Variants in ADGRB3 observed in about 807,000 individuals in gnomAD.
ADGRB3 encodes brain-specific angiogenesis inhibitor 3.
ADGRB3 carries 37 observed loss-of-function variants against 193.4 expected under a neutral mutation model. That is an observed-to-expected ratio of 0.19 (90% CI 0.15 to 0.25). The LOEUF (loss-of-function observed/expected upper bound fraction) is 0.25. Ranked by LOEUF, ADGRB3 falls within the 10% of genes least tolerant of loss-of-function variation. The probability of loss-of-function intolerance (pLI) is 1.00; values close to 1 mark genes in which losing one functional copy is unlikely to be tolerated. For missense variants in ADGRB3, 1,637 were observed against 1,852.9 expected, an observed-to-expected ratio of 0.88 and a Z score of 2.14; for synonymous variants, 690 against 644.2, an observed-to-expected ratio of 1.07 and a Z score of -1.08.
intron 10 of ADGRB3, among the ~76,000 whole-genome samples, chr6:68,989,946 A>AT (rs770847171): frequency 4.9e-4 from 74 of 151,508 alleles, no homozygotes; most frequent in Non-Finnish European, 7.1e-4. Context: ...ATATCAGGCA[A>AT]TTTTTTTTTG....
chr6:69,379,588 G>T (rs536391196), intron 30 of ADGRB3, among the ~76,000 whole-genome samples: 1 of 152,094 alleles, frequency 6.6e-6, no homozygotes, highest in African/African-American at 2.4e-5. Flanking sequence ...TCACTGTGAA[G>T]CTGGCATTCT....
At chr6:69,128,347 C>A (rs1347657795) in intron 17 of ADGRB3, among the ~76,000 whole-genome samples, 1 of 152,158 alleles carries the variant, frequency 6.6e-6, no homozygotes, top group Non-Finnish European at 1.5e-5. Context: ...AGTTTAGAGT[C>A]ATTTCTTAAA....
intron 3 of ADGRB3, among the ~76,000 whole-genome samples, chr6:68,743,034 G>A (rs1388837963): frequency 2.0e-5 from 3 of 151,874 alleles, no homozygotes; most frequent in South Asian, 2.1e-4. Flanking sequence ...ATGCGTATAC[G>A]TTTTCTGATA....
At chr6:68,995,177 A>G (rs544899197) in intron 11 of ADGRB3, among the ~76,000 whole-genome samples, 13 of 152,320 alleles carry the variant, frequency 8.5e-5, no homozygotes, top group African/African-American at 3.1e-4. Context: ...TCTCTTACAA[A>G]GATGAAACAC....
chr6:68,836,322 G>A (rs1333746239), intron 3 of ADGRB3, among the ~76,000 whole-genome samples: 3 of 151,112 alleles, frequency 2.0e-5, no homozygotes. Flanking sequence ...GCATTGGAAT[G>A]GGTTCACTCT....
At chr6:68,808,344 G>A (rs893778871) in intron 3 of ADGRB3, among the ~76,000 whole-genome samples, 6 of 151,756 alleles carry the variant, frequency 4.0e-5, no homozygotes, top group South Asian at 2.1e-4. Flanking sequence ...AGATACCATC[G>A]GAACAGTTCT....
chr6:68,649,047 T>C (rs1250039214), intron 3 of ADGRB3, among the ~76,000 whole-genome samples: 1 of 152,260 alleles, frequency 6.6e-6, no homozygotes, highest in East Asian at 1.9e-4. Context: ...ATCTGCCCCA[T>C]TGAAGTGTCA....
intron 3 of ADGRB3, among the ~76,000 whole-genome samples, chr6:68,907,290 T>A (rs993983434): frequency 3.3e-5 from 5 of 151,968 alleles, no homozygotes; most frequent in Non-Finnish European, 7.4e-5. Context: ...AAATTATTAA[T>A]TCTACTGGTT....
intron 31 of ADGRB3, among the ~76,000 whole-genome samples, chr6:69,384,287 A>G (rs1193261992): frequency 6.6e-6 from 1 of 152,062 alleles, no homozygotes; most frequent in Admixed American, 6.6e-5. Flanking sequence ...CACCAATCAA[A>G]TGCTAGGCAT....
intron 3 of ADGRB3, among the ~76,000 whole-genome samples, chr6:68,805,399 C>G (rs1767383429): frequency 6.6e-6 from 1 of 152,144 alleles, no homozygotes; most frequent in African/African-American, 2.4e-5. Flanking sequence ...GTCCATTACT[C>G]TTCTCAGTCT....
chr6:68,812,819 C>T (rs1006338976), intron 3 of ADGRB3, among the ~76,000 whole-genome samples: 27 of 150,576 alleles, frequency 1.8e-4, no homozygotes, highest in Non-Finnish European at 3.4e-4. Flanking sequence ...TGCTATCCCT[C>T]CCCTAGCCCC....
intron 17 of ADGRB3, among the ~76,000 whole-genome samples, chr6:69,195,522 CA>C (rs542731165): frequency 0.12 from 8,063 of 65,128 alleles, 301 homozygotes; most frequent in African/African-American, 0.24. Context: ...TATCCTGTCT[CA>C]AAAAAAAAAA....
intron 3 of ADGRB3, among the ~76,000 whole-genome samples, chr6:68,803,001 C>T (rs894593318): frequency 2.6e-5 from 4 of 152,268 alleles, no homozygotes; most frequent in African/African-American, 9.6e-5. Flanking sequence ...CCCTCATTAT[C>T]TTTTCTAGCT....
At chr6:68,774,228 A>G (rs1304081981) in intron 3 of ADGRB3, among the ~76,000 whole-genome samples, 2 of 151,948 alleles carry the variant, frequency 1.3e-5, no homozygotes, top group Non-Finnish European at 2.9e-5. Context: ...GTGATTCCTC[A>G]TATTATCAAG....
intron 3 of ADGRB3, among the ~76,000 whole-genome samples, chr6:68,783,813 T>C (rs1403205895): frequency 6.6e-6 from 1 of 152,046 alleles, no homozygotes; most frequent in Non-Finnish European, 1.5e-5. Context: ...TATTATGACA[T>C]GTTTGTAGAG....
At chr6:68,914,849 G>C (rs774402913) in intron 3 of ADGRB3, among the ~76,000 whole-genome samples, 9 of 152,118 alleles carry the variant, frequency 5.9e-5, no homozygotes, top group Non-Finnish European at 1.3e-4. Context: ...CTTTTTAAAT[G>C]TATCTTAATA....
chr6:68,977,562 C>A (rs1429775513), intron 10 of ADGRB3, among the ~76,000 whole-genome samples: 1 of 152,096 alleles, frequency 6.6e-6, no homozygotes, highest in Non-Finnish European at 1.5e-5. Flanking sequence ...AAGATAGATA[C>A]ACTCAGTGAA....
chr6:68,819,611 G>T (rs1002704999), intron 3 of ADGRB3, among the ~76,000 whole-genome samples: 10 of 151,950 alleles, frequency 6.6e-5, no homozygotes, highest in African/African-American at 2.4e-4. Flanking sequence ...CTTCCTGGAA[G>T]TACCAGTGCA....
chr6:69,209,684 A>T (rs927482141), intron 17 of ADGRB3, among the ~76,000 whole-genome samples: 6 of 152,158 alleles, frequency 3.9e-5, no homozygotes, highest in African/African-American at 1.4e-4. Context: ...GCTGAAGGCA[A>T]ATTGCTTCTG....
Sources: allele counts gnomAD v4.1 joint callset (sites outside exome capture counted in the v4.1 genomes callset), GRCh38; gene constraint gnomAD v4.1.1; transcripts MANE v1.5; gene names NCBI Gene and HGNC (gene_info 2026-07-23, HGNC 2026-07-21).